SNX24: variants seen among roughly 807,000 people sequenced by gnomAD.
SNX24 encodes sorting nexin 24, also known as sorting nexin-24.
SNX24 carries 22 observed loss-of-function variants against 28.7 expected under a neutral mutation model. The observed-to-expected ratio is 0.77, with a 90% CI of 0.55 to 1.10. SNX24 has a LOEUF of 1.10. Ranked by LOEUF, SNX24 falls within the 50% of genes least tolerant of loss-of-function variation. The pLI, the probability that SNX24 is intolerant of heterozygous loss-of-function variation, is 0.00. For missense variants in SNX24, 221 were observed against 201.1 expected (o/e 1.10, Z -0.60); for synonymous variants, 69 against 71.5 (o/e 0.96, Z 0.18).
intron 3 of SNX24, among the ~76,000 whole-genome samples, chr5:122,947,746 C>T (rs935226839): frequency 2.6e-5 from 4 of 152,134 alleles, no homozygotes; most frequent in African/African-American, 7.2e-5. Flanking sequence ...AATGCATGTT[C>T]TCTATAATTA....
chr5:122,970,008 G>A (rs1760888223), intron 3 of SNX24, among the ~76,000 whole-genome samples: 1 of 151,772 alleles, frequency 6.6e-6, no homozygotes, highest in South Asian at 2.1e-4. Flanking sequence ...CTAAACTCAG[G>A]CCCATGACTG....
chr5:122,894,891 G>A (rs1166653163), intron 1 of SNX24, among the ~76,000 whole-genome samples: 3 of 151,836 alleles, frequency 2.0e-5, no homozygotes, highest in African/African-American at 4.8e-5. Flanking sequence ...TAGTTTCCAA[G>A]TAAAAATAAA....
chr5:122,863,992 A>G (rs1029191338), intron 1 of SNX24, among the ~76,000 whole-genome samples: 3 of 152,176 alleles, frequency 2.0e-5, no homozygotes, highest in East Asian at 1.9e-4. Context: ...TTGATCACCA[A>G]TCATGTGCCA....
chr5:122,989,696 A>G (rs888124027), intron 3 of SNX24, among the ~76,000 whole-genome samples: 1 of 152,234 alleles, frequency 6.6e-6, no homozygotes, highest in Admixed American at 6.5e-5. Flanking sequence ...TGGATCTTGC[A>G]TAGATGCAAA....
At chr5:122,863,001 C>T (rs1185029683) in intron 1 of SNX24, among the ~76,000 whole-genome samples, 2 of 152,066 alleles carry the variant, frequency 1.3e-5, no homozygotes, top group Non-Finnish European at 2.9e-5. Flanking sequence ...ATTTATCTAC[C>T]TATTAAGTGG....
At chr5:122,885,677 G>A (rs917172035) in intron 1 of SNX24, among the ~76,000 whole-genome samples, 1 of 152,144 alleles carries the variant, frequency 6.6e-6, no homozygotes, top group African/African-American at 2.4e-5. Flanking sequence ...GACTTTCCCA[G>A]ATGAGCAGCC....
At chr5:122,896,927 T>C (rs1340797193) in intron 1 of SNX24, among the ~76,000 whole-genome samples, 2 of 152,248 alleles carry the variant, frequency 1.3e-5, no homozygotes, top group Non-Finnish European at 2.9e-5. Context: ...CTTATGGCTT[T>C]TGGAAAATGT....
intron 1 of SNX24, among the ~76,000 whole-genome samples, chr5:122,909,704 G>A (rs1422105925): frequency 1.3e-5 from 2 of 152,200 alleles, no homozygotes; most frequent in East Asian, 3.8e-4. Context: ...TCCCATTTAA[G>A]TCAGTCATGT....
At chr5:122,951,692 A>G (rs1759949564) in intron 3 of SNX24, among the ~76,000 whole-genome samples, 1 of 152,262 alleles carries the variant, frequency 6.6e-6, no homozygotes, top group Non-Finnish European at 1.5e-5. Context: ...AGAGAAGATC[A>G]TCAAAGGAAG....
intron 1 of SNX24, among the ~76,000 whole-genome samples, chr5:122,899,499 C>T (rs950724361): frequency 1.4e-4 from 22 of 152,068 alleles, no homozygotes; most frequent in African/African-American, 4.8e-4. Flanking sequence ...TCCTCGAATT[C>T]GCAGGCTCCA....
intron 1 of SNX24, among the ~76,000 whole-genome samples, chr5:122,886,456 T>G (rs1004049394): frequency 6.6e-6 from 1 of 152,212 alleles, no homozygotes; most frequent in Non-Finnish European, 1.5e-5. Flanking sequence ...AAGCGATACA[T>G]TTTTGAATAT....
chr5:123,010,692 CCCG>C (rs1762556517), downstream of SNX24, among the ~76,000 whole-genome samples: 1 of 152,128 alleles, frequency 6.6e-6, no homozygotes, highest in Non-Finnish European at 1.5e-5. Context: ...ATACCGAATT[CCCG>C]TTCCACAGAA....
chr5:122,958,850 C>T (rs1287990841), intron 3 of SNX24, among the ~76,000 whole-genome samples: 1 of 151,934 alleles, frequency 6.6e-6, no homozygotes, highest in Non-Finnish European at 1.5e-5. Context: ...ATGAGCCACC[C>T]CACCTGGCCA....
chr5:123,007,675 T>TTTTTTTTTTTTTTTTTG lies in SNX24; in HGVS notation c.443-4_443-3insTTTTTTTTTTTTTGTTT. The TTTTTTTTTTTTTTTTTG allele has an allele frequency of 6.3e-7, 1 of 1,577,998 alleles. No homozygotes were observed. The highest frequency in any genetic ancestry group is 2.2e-5 in the East Asian group (1 of 44,640). On this transcript the variant is annotated splice_polypyrimidine_tract_variant and splice_region_variant and intron_variant, in intron 6 of 6. Coordinates refer to ENST00000261369, the MANE Select transcript of SNX24 (RefSeq NM_014035.4). Reference sequence around the variant, plus strand: ...TTTTTTTTTCTTTTTTTTTTTCTTTTTTTCAGATTTTCCAAATGTGGTTAT... The same window carrying TTTTTTTTTTTTTTTTTG: ...TTTTTTTTTCTTTTTTTTTTTCTTTTTTTTTTTTTTTTTTTTGTTTCAGATTTTCCAAATGTGGTTAT...
chr5:122,890,676 G>A (rs1285174004), intron 1 of SNX24, among the ~76,000 whole-genome samples: 1 of 151,958 alleles, frequency 6.6e-6, no homozygotes, highest in Non-Finnish European at 1.5e-5. Context: ...TCACCCTGTT[G>A]GCCAGGCTGG....
At chr5:122,861,647 A>G (rs1242626247) in intron 1 of SNX24, among the ~76,000 whole-genome samples, 2 of 152,156 alleles carry the variant, frequency 1.3e-5, no homozygotes, top group Non-Finnish European at 2.9e-5. Flanking sequence ...TTTGCTGGTT[A>G]AATTCTGATT....
At chr5:123,014,245 C>T (rs1454589493) in intron 5 of SNX24, among the ~76,000 whole-genome samples, 1 of 151,396 alleles carries the variant, frequency 6.6e-6, no homozygotes, top group Admixed American at 6.6e-5. Context: ...CGGCTTACTG[C>T]AGTCTCCACC....
chr5:122,932,163 A>G (rs967527401), intron 1 of SNX24, among the ~76,000 whole-genome samples: 4 of 152,194 alleles, frequency 2.6e-5, no homozygotes, highest in African/African-American at 7.2e-5. Context: ...TTGACTTAAT[A>G]ATGTTTCTAG....
chr5:122,919,280 A>G (rs1758313968), intron 1 of SNX24, among the ~76,000 whole-genome samples: 1 of 152,218 alleles, frequency 6.6e-6, no homozygotes, highest in Non-Finnish European at 1.5e-5. Flanking sequence ...GAGAAACTCT[A>G]AGAGATTGCA....
Sources: allele counts gnomAD v4.1 joint callset (sites outside exome capture counted in the v4.1 genomes callset), GRCh38; gene constraint gnomAD v4.1.1; transcripts MANE v1.5; gene names NCBI Gene and HGNC (gene_info 2026-07-23, HGNC 2026-07-21).